GLIS3: variants seen among roughly 807,000 people sequenced by gnomAD.
GLIS3 encodes GLIS family zinc finger 3.
Under a neutral mutation model 78.6 loss-of-function variants are expected in GLIS3, and 53 were observed. The observed-to-expected ratio is 0.67, with a 90% CI of 0.54 to 0.85. The LOEUF (loss-of-function observed/expected upper bound fraction) is 0.85. Among genes scored for constraint, GLIS3 ranks in the 40% least tolerant of loss-of-function variants. GLIS3 has a pLI of 0.00. For synonymous variants in GLIS3, 684 were observed against 509.9 expected (o/e 1.34, Z -4.60); for missense variants, 1,703 against 1,231.1 (o/e 1.38, Z -5.74).
intron 2 of GLIS3, among the ~76,000 whole-genome samples, chr9:4,239,373 T>A (rs1169207850): frequency 6.6e-6 from 1 of 152,138 alleles, no homozygotes; most frequent in Non-Finnish European, 1.5e-5. Flanking sequence ...CACGACTTTT[T>A]TTTTTTCTCT....
intron 2 of GLIS3, among the ~76,000 whole-genome samples, chr9:4,136,603 A>G (rs1833425731): frequency 6.6e-6 from 1 of 152,198 alleles, no homozygotes; most frequent in Non-Finnish European, 1.5e-5. Context: ...CTGGCATTCT[A>G]AGGAATACCC....
intron 2 of GLIS3, among the ~76,000 whole-genome samples, chr9:4,149,875 G>A (rs575952140): frequency 7.2e-5 from 11 of 152,174 alleles, no homozygotes; most frequent in South Asian, 2.1e-4. Flanking sequence ...TAATGATGGT[G>A]ATATTTAGAA....
chr9:4,071,917 T>C (rs774865739), intron 4 of GLIS3: 2 of 152,164 alleles, frequency 1.3e-5, no homozygotes, highest in Non-Finnish European at 2.9e-5. Context: ...AACAATAGAA[T>C]ATCAAGAAAC....
intron 4 of GLIS3, among the ~76,000 whole-genome samples, chr9:4,026,435 G>C (rs930639516): frequency 2.0e-5 from 3 of 152,096 alleles, no homozygotes; most frequent in African/African-American, 7.2e-5. Context: ...AAGTATGAAA[G>C]CTCAACAAAA....
the GLIS3 span, among the ~76,000 whole-genome samples, chr9:4,373,603 A>T: frequency 6.6e-6 from 1 of 152,204 alleles, no homozygotes; most frequent in Non-Finnish European, 1.5e-5. Flanking sequence ...GGGAGCTAAA[A>T]AAATACTTCC....
chr9:4,114,592 G>C, intron 4 of GLIS3, among the ~76,000 whole-genome samples: 1 of 152,180 alleles, frequency 6.6e-6, no homozygotes, highest in East Asian at 1.9e-4. Context: ...AAGAGATTCA[G>C]CACCTAGAAA....
At chr9:4,208,962 C>T (rs1369234863) in intron 2 of GLIS3, among the ~76,000 whole-genome samples, 1 of 152,162 alleles carries the variant, frequency 6.6e-6, no homozygotes, top group African/African-American at 2.4e-5. Context: ...TGATGGTGCA[C>T]TTCTTCATAA....
intron 4 of GLIS3, among the ~76,000 whole-genome samples, chr9:4,069,783 T>C (rs1255076560): frequency 1.3e-5 from 2 of 152,062 alleles, no homozygotes; most frequent in Non-Finnish European, 2.9e-5. Flanking sequence ...AGCTCTTTTA[T>C]GAAAGATTTG....
intron 2 of GLIS3, among the ~76,000 whole-genome samples, chr9:4,162,820 G>A (rs951449256): frequency 3.1e-5 from 4 of 129,826 alleles, no homozygotes; most frequent in Non-Finnish European, 4.6e-5. Context: ...TTTCACCACT[G>A]CACTCCAGCC....
chr9:4,433,807 G>A, the GLIS3 span, among the ~76,000 whole-genome samples: 1 of 152,168 alleles, frequency 6.6e-6, no homozygotes, highest in African/African-American at 2.4e-5. Flanking sequence ...TGATATTCAA[G>A]AGTGGTTGGC....
chr9:4,379,413 T>C, the GLIS3 span, among the ~76,000 whole-genome samples: 19 of 152,244 alleles, frequency 1.2e-4, no homozygotes, highest in Admixed American at 1.2e-3. Flanking sequence ...TAACAACATA[T>C]TGCAAAGCTG....
At chr9:4,038,517 T>C (rs1191279644) in intron 4 of GLIS3, among the ~76,000 whole-genome samples, 1 of 152,088 alleles carries the variant, frequency 6.6e-6, no homozygotes, top group Non-Finnish European at 1.5e-5. Context: ...AAAGGTGAAA[T>C]CCAATACACT....
intron 4 of GLIS3, among the ~76,000 whole-genome samples, chr9:3,968,359 C>T (rs886520744): frequency 1.3e-5 from 2 of 152,008 alleles, no homozygotes; most frequent in African/African-American, 4.8e-5. Context: ...TCATGGTAGC[C>T]TAATTAAATA....
chr9:4,375,045 A>T, the GLIS3 span, among the ~76,000 whole-genome samples: 1 of 152,054 alleles, frequency 6.6e-6, no homozygotes, highest in East Asian at 1.9e-4. Flanking sequence ...CACTATTATT[A>T]TAAAATGATG....
chr9:4,391,649 A>G, the GLIS3 span, among the ~76,000 whole-genome samples: 1 of 152,104 alleles, frequency 6.6e-6, no homozygotes, highest in South Asian at 2.1e-4. Flanking sequence ...AATTTGGGGG[A>G]AAATTATATT....
chr9:4,191,983 G>T (rs188352478), intron 2 of GLIS3, among the ~76,000 whole-genome samples: 6 of 152,000 alleles, frequency 3.9e-5, no homozygotes, highest in South Asian at 2.1e-4. Context: ...TTTGGAGGAG[G>T]TCTCTAAAAT....
intron 4 of GLIS3, among the ~76,000 whole-genome samples, chr9:4,047,775 G>A (rs747546196): frequency 2.0e-5 from 3 of 152,164 alleles, no homozygotes; most frequent in Non-Finnish European, 2.9e-5. Flanking sequence ...GAATGTTCTG[G>A]GAAAGACATG....
chr9:4,414,715 G>C, the GLIS3 span, among the ~76,000 whole-genome samples: 1 of 151,948 alleles, frequency 6.6e-6, no homozygotes, highest in African/African-American at 2.4e-5. Context: ...GAAAATTCCA[G>C]TCTTAGCAAG....
intron 4 of GLIS3, among the ~76,000 whole-genome samples, chr9:3,962,685 T>C (rs1273093332): frequency 6.6e-6 from 1 of 152,028 alleles, no homozygotes; most frequent in Non-Finnish European, 1.5e-5. Flanking sequence ...GGAGAGTAAA[T>C]AGGGAGAAAC....
Sources: allele counts gnomAD v4.1 joint callset (sites outside exome capture counted in the v4.1 genomes callset), GRCh38; gene constraint gnomAD v4.1.1; transcripts MANE v1.5; gene names NCBI Gene and HGNC (gene_info 2026-07-23, HGNC 2026-07-21).